Variants in MTMR3 observed in about 807,000 individuals in gnomAD.
The protein encoded by MTMR3 is myotubularin related protein 3, also known as phosphatidylinositol-3,5-bisphosphate 3-phosphatase MTMR3.
MTMR3 carries 32 observed loss-of-function variants against 132.4 expected under a neutral mutation model. The observed-to-expected ratio is 0.24, with a 90% CI of 0.18 to 0.32. The LOEUF (loss-of-function observed/expected upper bound fraction) is 0.32, where lower values mean the gene tolerates loss of function less well. Among genes scored for constraint, MTMR3 ranks in the 10% least tolerant of loss-of-function variants. The pLI, the probability that MTMR3 is intolerant of heterozygous loss-of-function variation, is 1.00. For synonymous variants in MTMR3, 556 were observed against 550.3 expected (o/e 1.01, Z -0.14); for missense variants, 1,216 against 1,489.6 (o/e 0.82, Z 3.02).
intron 2 of MTMR3, among the ~76,000 whole-genome samples, chr22:29,964,169 A>ATATACG (rs2066369846): frequency 6.6e-6 from 1 of 152,148 alleles, no homozygotes; most frequent in Admixed American, 6.5e-5. Context: ...TAATTTTAAG[A>ATATACG]AGTATTACAC....
chr22:30,011,612 C>G (rs193218892), intron 12 of MTMR3: 12 of 152,414 alleles, frequency 7.9e-5, no homozygotes, highest in Admixed American at 7.8e-4. Context: ...ATCCACCCAC[C>G]TCAGCCTCCG....
At chr22:29,930,862 C>G (rs112025855) in intron 1 of MTMR3, among the ~76,000 whole-genome samples, 1 of 151,794 alleles carries the variant, frequency 6.6e-6, no homozygotes, top group Non-Finnish European at 1.5e-5. Flanking sequence ...AAAAAATTAG[C>G]TGGTCATGCT....
At chr22:29,942,833 A>G (rs891185229) in intron 1 of MTMR3, among the ~76,000 whole-genome samples, 3 of 152,184 alleles carry the variant, frequency 2.0e-5, no homozygotes, top group African/African-American at 7.2e-5. Context: ...CCCAGATTTC[A>G]TATTGTTCAA....
intron 1 of MTMR3, among the ~76,000 whole-genome samples, chr22:29,900,422 A>G (rs930813863): frequency 2.0e-5 from 3 of 152,178 alleles, no homozygotes; most frequent in African/African-American, 4.8e-5. Context: ...ATAGGTCTTT[A>G]TTTAGGCCAT....
At chr22:29,966,185 A>G (rs532873288) in intron 2 of MTMR3, among the ~76,000 whole-genome samples, 7 of 152,172 alleles carry the variant, frequency 4.6e-5, no homozygotes, top group Non-Finnish European at 1.0e-4. Context: ...TATGTATTTT[A>G]TAGTTAAAAG....
At chr22:29,888,233 C>A (rs1323798086) in intron 1 of MTMR3, among the ~76,000 whole-genome samples, 1 of 151,942 alleles carries the variant, frequency 6.6e-6, no homozygotes, top group African/African-American at 2.4e-5. Flanking sequence ...TTTGTAGAGA[C>A]AGGGTTTTGC....
chr22:29,992,620 T>G (rs1002801134), intron 7 of MTMR3: 1 of 152,238 alleles, frequency 6.6e-6, no homozygotes, highest in Non-Finnish European at 1.5e-5. Flanking sequence ...GTCTTAAATT[T>G]CTGTGCAGTG....
chr22:29,999,075 T>G (rs972474514), intron 8 of MTMR3: 13 of 340,556 alleles, frequency 3.8e-5, no homozygotes, highest in Non-Finnish European at 5.9e-5. Context: ...TCCTAGAACC[T>G]TCCCTTTTAC....
intron 1 of MTMR3, among the ~76,000 whole-genome samples, chr22:29,893,536 C>T (rs1323848707): frequency 6.6e-6 from 1 of 152,136 alleles, no homozygotes; most frequent in African/African-American, 2.4e-5. Context: ...TCATTCTCTC[C>T]AGTTTCTTGT....
intron 1 of MTMR3, among the ~76,000 whole-genome samples, chr22:29,930,597 C>T (rs182019983): frequency 2.0e-5 from 3 of 152,200 alleles, no homozygotes; most frequent in African/African-American, 7.2e-5. Context: ...GAGGCTGAGG[C>T]GGGAGGATAA....
intron 11 of MTMR3, chr22:30,008,558 A>C (rs41155): frequency 0.65 from 104,992 of 160,604 alleles, 35,192 homozygotes; most frequent in African/African-American, 0.79. Flanking sequence ...CTCAGTGCCT[A>C]TGGCACAGGC....
In MTMR3 at chr22:30,009,143, C is replaced by G; in HGVS notation, c.1121+14C>G. On this transcript the variant is annotated intron_variant, in intron 12 of 19. Transcript: ENST00000401950. ...AGATCCGGGAAAGTAAGTCCTTGGC[C>G]TTGGCTTTCATTTTGCATTGCTCTT... 6.4e-7 allele frequency: 1 copy of G among 1,556,582 alleles called. No homozygotes were observed. Among genetic ancestry groups the G allele is most frequent in the South Asian group, 1.1e-5 (1 of 89,690 alleles).
intron 8 of MTMR3, chr22:30,000,331 G>A (rs941568658): frequency 6.6e-6 from 1 of 151,912 alleles, no homozygotes; most frequent in Non-Finnish European, 1.5e-5. Context: ...CATGGTTGCA[G>A]GTGGCTGTAG....
At position 29,994,085 on chromosome 22, in the gene MTMR3, T is replaced by C. The variant is rs1002194464; in HGVS notation, c.460+2415T>C. On this transcript the variant is annotated intron_variant, in intron 7 of 19. Transcript: ENST00000401950. ...GTATCCTGAAGATCAAATCTGTTAA[T>C]GCTGCAGAGTTCAATTCAGTAAATG... 7 of 985,008 alleles carry C rather than the reference T, an allele frequency of 7.1e-6. No individual in the cohort carries two copies. The African/African-American group carries it at 1.2e-4, about 17-fold the overall frequency. The allele number at this position is 985,008 out of a possible 1,614,324, so 61.0% of individuals were successfully genotyped here. A position where few individuals can be genotyped will look rare whatever the true frequency, so the allele number is the denominator to read the frequency against.
chr22:29,948,153 T>C (rs891757032), intron 1 of MTMR3, among the ~76,000 whole-genome samples: 20 of 152,254 alleles, frequency 1.3e-4, no homozygotes, highest in African/African-American at 4.8e-4. Context: ...AATGTACCTC[T>C]TGGCTAGCTA....
At position 29,978,546 on chromosome 22, in the gene MTMR3, C is replaced by G; in HGVS notation, c.93+15C>G. 1 of 1,592,020 alleles carries G rather than the reference C, an allele frequency of 6.3e-7. No homozygotes were observed. The highest frequency in any genetic ancestry group is 8.6e-7 in the Non-Finnish European group (1 of 1,160,522). On this transcript the variant is annotated intron_variant, in intron 4 of 19. Coordinates refer to ENST00000401950, the MANE Select transcript of MTMR3 (RefSeq NM_021090.4). ...AGAATCTTCAGGTAATTATAGGCCA[C>G]TTTTAAATGTAAAATATTTATTTAG...
intron 2 of MTMR3, among the ~76,000 whole-genome samples, chr22:29,969,351 T>C (rs1359525047): frequency 3.9e-5 from 6 of 152,148 alleles, no homozygotes. Flanking sequence ...CTATGGGCAG[T>C]ATTTTCAAAG....
intron 19 of MTMR3, chr22:30,025,140 T>A (rs1285412637): frequency 6.1e-6 from 1 of 163,028 alleles, no homozygotes; most frequent in Admixed American, 5.8e-5. Flanking sequence ...CTATCTGCCA[T>A]GTTGCTGCCT....
intron 3 of MTMR3, among the ~76,000 whole-genome samples, chr22:29,975,831 C>T (rs1340279623): frequency 1.3e-5 from 2 of 152,206 alleles, no homozygotes; most frequent in Non-Finnish European, 2.9e-5. Context: ...GGCTTGAACT[C>T]CTGGGCTCAA....
Sources: gnomAD v4.1 joint callset for allele counts (sites outside exome capture counted in the v4.1 genomes callset) on GRCh38, gnomAD v4.1.1 for gene constraint, MANE v1.5 for transcripts, NCBI Gene and HGNC (gene_info 2026-07-23, HGNC 2026-07-21) for gene names.